L3MBTL4: variants seen among roughly 807,000 people sequenced by gnomAD.
L3MBTL4 encodes lethal(3)malignant brain tumor-like protein 4.
In L3MBTL4, 70 loss-of-function variants were observed where a neutral mutation model predicts 84.5. The ratio of observed to expected loss-of-function variants is 0.83; its 90% CI spans 0.68 to 1.01. L3MBTL4 has a LOEUF of 1.01. Among genes scored for constraint, L3MBTL4 ranks in the 50% least tolerant of loss-of-function variants. L3MBTL4 has a pLI of 0.00. For synonymous variants in L3MBTL4, 274 were observed against 259.8 expected, an observed-to-expected ratio of 1.05 and a Z score of -0.52; for missense variants, 715 against 754.8, an observed-to-expected ratio of 0.95 and a Z score of 0.62.
At chr18:6,166,917 G>C (rs1462064863) in intron 13 of L3MBTL4, among the ~76,000 whole-genome samples, 1 of 152,070 alleles carries the variant, frequency 6.6e-6, no homozygotes, top group African/African-American at 2.4e-5. Context: ...CAACAAAATT[G>C]ATAGACCGCT....
intron 4 of L3MBTL4, among the ~76,000 whole-genome samples, chr18:6,280,938 T>C (rs887650089): frequency 2.0e-5 from 3 of 152,152 alleles, no homozygotes; most frequent in Non-Finnish European, 4.4e-5. Flanking sequence ...ACCTTGACTC[T>C]GGCCCACAGA....
At chr18:6,134,374 C>G (rs2059967340) in intron 14 of L3MBTL4, among the ~76,000 whole-genome samples, 1 of 152,136 alleles carries the variant, frequency 6.6e-6, no homozygotes, top group Admixed American at 6.5e-5. Context: ...ATTTCAAAAC[C>G]CATCATGCCT....
intron 12 of L3MBTL4, among the ~76,000 whole-genome samples, chr18:6,182,242 A>G (rs180865646): frequency 6.6e-6 from 1 of 152,262 alleles, no homozygotes; most frequent in Admixed American, 6.5e-5. Context: ...GCATTTCTCT[A>G]ATAATTAGTG....
intron 12 of L3MBTL4, among the ~76,000 whole-genome samples, chr18:6,198,403 A>C (rs1000871065): frequency 1.3e-5 from 2 of 152,126 alleles, no homozygotes; most frequent in African/African-American, 4.8e-5. Context: ...AATATACTTC[A>C]TTTATCCTAA....
At chr18:5,975,488 T>C (rs1341429203) in intron 16 of L3MBTL4, among the ~76,000 whole-genome samples, 2 of 152,218 alleles carry the variant, frequency 1.3e-5, no homozygotes, top group African/African-American at 4.8e-5. Flanking sequence ...TGTGCTTCCA[T>C]AGTGACTTCT....
chr18:6,021,678 T>A (rs2145504382), intron 16 of L3MBTL4, among the ~76,000 whole-genome samples: 1 of 152,206 alleles, frequency 6.6e-6, no homozygotes, highest in African/African-American at 2.4e-5. Flanking sequence ...TTCTGTGAAA[T>A]CTTCTTCAAT....
At chr18:6,334,944 A>C (rs963549248) in intron 1 of L3MBTL4, among the ~76,000 whole-genome samples, 1 of 152,176 alleles carries the variant, frequency 6.6e-6, no homozygotes. Flanking sequence ...AAATCACTGA[A>C]AGAAAAATCT....
At position 6,232,104 on chromosome 18, in the gene L3MBTL4, G is replaced by T. The variant is rs57654994; in HGVS notation, c.784+5860C>A. On this transcript the variant is annotated intron_variant, in intron 10 of 18. Coordinates refer to ENST00000317931, the MANE Select transcript of L3MBTL4 (RefSeq NM_001330559.2). ...AATGTTTTTGTCATGAAAGGGTGTT[G>T]AATCTTGTCAAATGCTTTTCTGCCT... Among the ~76,000 whole-genome samples the T allele has an allele frequency of 4.6e-3, 703 of 152,200 alleles. 9 individuals carry two copies. Among genetic ancestry groups the T allele is most frequent in the African/African-American group, 0.016 (669 of 41,536 alleles).
At chr18:6,092,527 A>C (rs1458122581) in intron 15 of L3MBTL4, among the ~76,000 whole-genome samples, 1 of 152,246 alleles carries the variant, frequency 6.6e-6, no homozygotes, top group Non-Finnish European at 1.5e-5. Context: ...GTCAGGGTCT[A>C]GGGTGCTCAA....
chr18:6,336,147 C>T (rs2052325182), intron 1 of L3MBTL4, among the ~76,000 whole-genome samples: 1 of 151,932 alleles, frequency 6.6e-6, no homozygotes, highest in Non-Finnish European at 1.5e-5. Context: ...CTAACCAATA[C>T]TTTCTTGAAT....
chr18:5,989,879 C>A (rs146861593), intron 16 of L3MBTL4, among the ~76,000 whole-genome samples: 2 of 152,320 alleles, frequency 1.3e-5, no homozygotes, highest in African/African-American at 4.8e-5. Context: ...CCTTTGCAGG[C>A]CAAGTGCAGG....
Position 6,414,732 on chromosome 18 carries a change from C to T in L3MBTL4, c.-91+69G>A, listed in dbSNP as rs1568628422. The T allele has an allele frequency of 2.6e-5, 4 of 151,880 alleles. No individual in the cohort carries two copies. 9.4% of individuals were successfully genotyped at this position (151,880 alleles called of 1,614,324 possible). ...CCTGCCCGGGGATGGGGCCACCCCG[C>T]GCGGCGGCGGCCGTGGGCACCCACG... On this transcript the variant is annotated intron_variant, in intron 1 of 18. Coordinates refer to ENST00000317931, the MANE Select transcript of L3MBTL4 (RefSeq NM_001330559.2). The surrounding 1 kb of genome is among the most constrained non-coding windows in gnomAD (Gnocchi z 5.4).
chr18:6,031,182 G>A (rs1229676603), intron 16 of L3MBTL4: 7 of 985,260 alleles, frequency 7.1e-6, no homozygotes, highest in South Asian at 9.4e-5. Flanking sequence ...CTCCTCCCCC[G>A]TGGGAGTAGA....
intron 13 of L3MBTL4, among the ~76,000 whole-genome samples, chr18:6,147,012 G>C (rs567366905): frequency 1.3e-5 from 2 of 152,062 alleles, no homozygotes; most frequent in Admixed American, 6.6e-5. Context: ...CAGTAAGCTC[G>C]ACAGCTGAGC....
At chr18:6,039,997 T>C (rs1216545668) in intron 16 of L3MBTL4, among the ~76,000 whole-genome samples, 2 of 152,232 alleles carry the variant, frequency 1.3e-5, no homozygotes, top group Non-Finnish European at 2.9e-5. Context: ...AAAACTCGTT[T>C]TCAAATATTA....
intron 4 of L3MBTL4, among the ~76,000 whole-genome samples, chr18:6,293,972 T>C (rs567042093): frequency 6.6e-6 from 1 of 152,322 alleles, no homozygotes; most frequent in South Asian, 2.1e-4. Flanking sequence ...ATAAAGGATG[T>C]TACTGGAGTA....
chr18:6,031,951 T>A, intron 16 of L3MBTL4: 1 of 560,112 alleles, frequency 1.8e-6, no homozygotes. Flanking sequence ...TAAAAGGAAT[T>A]TCTCCACCCT....
In L3MBTL4 at chr18:6,081,018, A is replaced by G. The variant is rs2058059490; in HGVS notation, c.1374-67T>C. ...TGAGGTAGGAAGAAATCATGATAGC[A>G]GCACAAATTTAAATAGAAACTGCAG... On this transcript the variant is annotated intron_variant, in intron 15 of 18. Transcript: ENST00000317931. The G allele has an allele frequency of 3.3e-6, 4 of 1,202,846 alleles. No homozygotes were observed. In the South Asian group the frequency reaches 4.2e-5, roughly 13 times the overall value. 74.5% of individuals were successfully genotyped at this position (1,202,846 alleles called of 1,614,324 possible).
chr18:6,048,429 C>A (rs905746899), intron 16 of L3MBTL4, among the ~76,000 whole-genome samples: 6 of 152,030 alleles, frequency 3.9e-5, no homozygotes, highest in African/African-American at 1.5e-4. Context: ...AGCCAGAGTA[C>A]CCTTAAGCAA....
Sources: gnomAD v4.1 joint callset for allele counts (sites outside exome capture counted in the v4.1 genomes callset) on GRCh38, gnomAD v4.1.1 for gene constraint, Gnocchi (gnomAD v3.1) non-coding constraint, MANE v1.5 for transcripts, NCBI Gene and HGNC (gene_info 2026-07-23, HGNC 2026-07-21) for gene names.